ABHD13: variants seen among roughly 807,000 people sequenced by gnomAD.
The protein encoded by ABHD13 is abhydrolase domain containing 13.
A neutral mutation model predicts 25.2 loss-of-function variants in ABHD13; 7 were observed. The observed-to-expected ratio is 0.28, with a 90% CI of 0.16 to 0.52. The LOEUF is 0.52. Among genes scored for constraint, ABHD13 ranks in the 20% least tolerant of loss-of-function variants. The probability of loss-of-function intolerance (pLI) is 0.96; values close to 1 mark genes in which losing one functional copy is unlikely to be tolerated. For missense variants in ABHD13, 302 were observed against 402.7 expected, an observed-to-expected ratio of 0.75 and a Z score of 2.14; for synonymous variants, 133 against 136.1, an observed-to-expected ratio of 0.98 and a Z score of 0.16.
At chr13:108,224,679 G>A (rs779906521) in intron 1 of ABHD13, among the ~76,000 whole-genome samples, 106 of 152,110 alleles carry the variant, frequency 7.0e-4, no homozygotes, top group Non-Finnish European at 7.4e-4. Context: ...GAGCTTTACA[G>A]TTCTAGACGG....
chr13:108,230,234 G>A lies in ABHD13; in HGVS notation c.*2G>A, dbSNP rs1362508236. 6.4e-7 allele frequency: 1 copy of A among 1,566,456 alleles called. No individual in the cohort carries two copies. The highest frequency in any genetic ancestry group is 1.4e-5 in the African/African-American group (1 of 72,724). On this transcript the variant is annotated 3_prime_UTR_variant, in exon 2 of 2. Coordinates refer to ENST00000375898, the MANE Select transcript of ABHD13 (RefSeq NM_032859.3). ...TCATCTAATGTAACAATTATATAAT[G>A]TTTCCCTTTTTGATTATTGCATTGT...
At chr13:108,226,725 A>G (rs1441212581) in intron 1 of ABHD13, among the ~76,000 whole-genome samples, 1 of 152,184 alleles carries the variant, frequency 6.6e-6, no homozygotes, top group Non-Finnish European at 1.5e-5. Context: ...TTTACATCTC[A>G]GCAGATGGTG....
chr13:108,219,812 G>A lies in ABHD13; in HGVS notation c.-21+1153G>A, dbSNP rs542201633. Among the ~76,000 whole-genome samples the A allele has an allele frequency of 6.6e-5, 10 of 152,320 alleles. 1 individual carries two copies. The highest frequency in any genetic ancestry group is 2.4e-4 in the African/African-American group (10 of 41,568). On this transcript the variant is annotated intron_variant, in intron 1 of 1. Coordinates refer to ENST00000375898, the MANE Select transcript of ABHD13 (RefSeq NM_032859.3). ...GTGGAATGGGTGGCAGGAGGGAATA[G>A]GGGTCCAAGGAAAGCTTTCTAGAGG...
At chr13:108,228,841 A>G (rs978872853) in intron 1 of ABHD13, among the ~76,000 whole-genome samples, 1 of 151,802 alleles carries the variant, frequency 6.6e-6, no homozygotes. Context: ...TAGCCAGTCT[A>G]CTTATGCCCC....
In ABHD13 at chr13:108,230,464, C is replaced by T; in HGVS notation, c.*232C>T. ...TTTCAGTGTGATTATGTATTCATAT[C>T]TTCAGTTTAATATGTCAGTATAATA... On this transcript the variant is annotated 3_prime_UTR_variant, in exon 2 of 2. Transcript: ENST00000375898. 2.3e-6 allele frequency: 1 copy of T among 432,256 alleles called. No homozygotes were observed. The highest frequency in any genetic ancestry group is 4.3e-6 in the Non-Finnish European group (1 of 233,148). 26.8% of individuals were successfully genotyped at this position (432,256 alleles called of 1,614,324 possible).
intron 1 of ABHD13, among the ~76,000 whole-genome samples, chr13:108,220,610 T>C (rs1327414431): frequency 3.3e-5 from 5 of 152,238 alleles, no homozygotes; most frequent in Non-Finnish European, 7.3e-5. Flanking sequence ...GATTTTGTAA[T>C]ACATTATTAT....
At chr13:108,225,184 T>C (rs1390037536) in intron 1 of ABHD13, among the ~76,000 whole-genome samples, 2 of 152,194 alleles carry the variant, frequency 1.3e-5, no homozygotes, top group Admixed American at 1.3e-4. Flanking sequence ...ATAATTAGCA[T>C]AAAGTCTGCA....
At chr13:108,221,987 G>A (rs1428985186) in intron 1 of ABHD13, among the ~76,000 whole-genome samples, 1 of 151,946 alleles carries the variant, frequency 6.6e-6, no homozygotes, top group Admixed American at 6.6e-5. Flanking sequence ...ACAGGCACGC[G>A]CCACCATGCC....
At chr13:108,227,034 C>T (rs1879688741) in intron 1 of ABHD13, among the ~76,000 whole-genome samples, 1 of 152,076 alleles carries the variant, frequency 6.6e-6, no homozygotes, top group Non-Finnish European at 1.5e-5. Context: ...AAATGACTTC[C>T]ATTTGATATT....
In ABHD13 at chr13:108,230,559, A is replaced by G. The variant is rs1031519344; in HGVS notation, c.*327A>G. On this transcript the variant is annotated 3_prime_UTR_variant, in exon 2 of 2. Coordinates refer to ENST00000375898, the MANE Select transcript of ABHD13 (RefSeq NM_032859.3). ...TACACAGATGAATAGCTAGATGTGGAAAGAGATATGTAAACAAGAAACCTT... is the reference window on the plus strand; with the variant it reads ...TACACAGATGAATAGCTAGATGTGGGAAGAGATATGTAAACAAGAAACCTT... 2 of 185,232 alleles carry G rather than the reference A, an allele frequency of 1.1e-5. No individual in the cohort carries two copies. Among genetic ancestry groups the G allele is most frequent in the Non-Finnish European group, 2.5e-5 (2 of 81,010 alleles). 11.5% of individuals were successfully genotyped at this position (185,232 alleles called of 1,614,324 possible). A position where few individuals can be genotyped will look rare whatever the true frequency, so the allele number is the denominator to read the frequency against.
rs985938382 is a variant in ABHD13 at position 108,229,921 on chromosome 13, A to G, written c.703A>G (p.Met235Val). 10 of 1,613,238 alleles carry G rather than the reference A, an allele frequency of 6.2e-6. No individual in the cohort carries two copies. Among genetic ancestry groups the G allele is most frequent in the Non-Finnish European group, 8.5e-6 (10 of 1,179,460 alleles). ...CAGCACTTTATTTTCATTCTTTCCG[A>G]TGCGTTACCTTCCTTTATGGTGCTA... ...MASTLFSFFP[M>V]RYLPLWCYKN... The change falls in exon 2 of 2, where the codon ATG (methionine) becomes GTG (valine). Residue 235 changes from methionine to valine, a missense_variant. Physicochemically the swap from Met to Val is conservative, Grantham distance 21. Transcript: ENST00000375898. This position sits in a 1 kb window ranked among gnomAD's most constrained non-coding sequence, Gnocchi z 4.7.
At chr13:108,225,563 A>G (rs1879655581) in intron 1 of ABHD13, among the ~76,000 whole-genome samples, 1 of 152,194 alleles carries the variant, frequency 6.6e-6, no homozygotes, top group South Asian at 2.1e-4. Flanking sequence ...TGAAGTTTAC[A>G]TTGTATGAGA....
At chr13:108,222,345 TAA>T (rs1270137581) in intron 1 of ABHD13, among the ~76,000 whole-genome samples, 5 of 152,144 alleles carry the variant, frequency 3.3e-5, no homozygotes, top group African/African-American at 4.8e-5. Flanking sequence ...TTGATATATA[TAA>T]GTTTTTATTT....
intron 1 of ABHD13, 37 bp downstream of exon 1, chr13:108,218,696 C>G (rs979036536): frequency 1.3e-5 from 2 of 151,696 alleles, no homozygotes; most frequent in Non-Finnish European, 2.9e-5. Context: ...CCGCGGGGCC[C>G]GAGCGCCGGT....
chr13:108,222,679 CTG>C (rs1247510188), intron 1 of ABHD13, among the ~76,000 whole-genome samples: 1 of 151,932 alleles, frequency 6.6e-6, no homozygotes, highest in African/African-American at 2.4e-5. Flanking sequence ...AATTGGAAAA[CTG>C]GAAGTTTATA....
rs1221578880 is a variant in ABHD13, at chr13:108,230,776, A to G, written c.*544A>G. 1.8e-5 allele frequency: 3 copies of G among 166,748 alleles called. No homozygotes were observed. The highest frequency in any genetic ancestry group is 6.6e-5 in the Admixed American group (1 of 15,224). 10.3% of individuals were successfully genotyped at this position (166,748 alleles called of 1,614,324 possible). Reference sequence around the variant, plus strand: ...GTATATGGTTATCTGGGTTATATCTATTTTTATGTAAACTCTATTTTGTTT... The same window carrying G: ...GTATATGGTTATCTGGGTTATATCTGTTTTTATGTAAACTCTATTTTGTTT... On this transcript the variant is annotated 3_prime_UTR_variant, in exon 2 of 2. Transcript: ENST00000375898.
rs942161368 is a variant in ABHD13, at chr13:108,230,462, A to G, written c.*230A>G. ...ACTTTCAGTGTGATTATGTATTCAT[A>G]TCTTCAGTTTAATATGTCAGTATAA... On this transcript the variant is annotated 3_prime_UTR_variant, in exon 2 of 2. Transcript: ENST00000375898. 9.1e-6 allele frequency: 4 copies of G among 439,738 alleles called. No homozygotes were observed. The South Asian group carries it at 1.3e-4, about 15-fold the overall frequency. 27.2% of individuals were successfully genotyped at this position (439,738 alleles called of 1,614,324 possible).
rs756314652 is a variant in ABHD13 at position 108,230,165 on chromosome 13, A to G, written c.947A>G (p.Lys316Arg). 1.3e-5 allele frequency: 21 copies of G among 1,612,288 alleles called. No individual in the cohort carries two copies. In the Middle Eastern group the frequency reaches 5.0e-4, roughly 38 times the overall value. Reference sequence around the variant, plus strand: ...TTCACTGCACTTGAACAGTTCATCAAAGAAGTCGTAAAGAGCCATTCTCCT... The same window carrying G: ...TTCACTGCACTTGAACAGTTCATCAGAGAAGTCGTAAAGAGCCATTCTCCT... Reference protein sequence around the residue: ...GYFTALEQFIKEVVKSHSPEE... With the variant: ...GYFTALEQFIREVVKSHSPEE... Residue 316 changes from lysine to arginine, a missense_variant, in exon 2 of 2, where the codon AAA (lysine) becomes AGA (arginine). Lys to Arg is a conservative substitution (Grantham distance 26). Transcript: ENST00000375898.
intron 1 of ABHD13, among the ~76,000 whole-genome samples, chr13:108,220,812 T>C (rs1879552613): frequency 6.6e-6 from 1 of 152,358 alleles, no homozygotes; most frequent in Non-Finnish European, 1.5e-5. Flanking sequence ...ACACTGGTTT[T>C]ATACAAAACA....
Sources: gnomAD v4.1 joint callset for allele counts (sites outside exome capture counted in the v4.1 genomes callset) on GRCh38, gnomAD v4.1.1 for gene constraint, Gnocchi (gnomAD v3.1) non-coding constraint, MANE v1.5 for transcripts, NCBI Gene and HGNC (gene_info 2026-07-23, HGNC 2026-07-21) for gene names.